Variants in CNTN3 observed in about 807,000 individuals in gnomAD.
The protein encoded by CNTN3 is contactin-3.
Under a neutral mutation model 119.1 loss-of-function variants are expected in CNTN3, and 60 were observed. The ratio of observed to expected loss-of-function variants is 0.50; its 90% CI spans 0.41 to 0.62. The LOEUF is 0.62. CNTN3 is among the 20% of genes least tolerant of loss of function. The pLI, the probability that CNTN3 is intolerant of heterozygous loss-of-function variation, is 0.00. For synonymous variants in CNTN3, 450 were observed against 438.7 expected, an observed-to-expected ratio of 1.03 and a Z score of -0.32; for missense variants, 1,101 against 1,242.4, an observed-to-expected ratio of 0.89 and a Z score of 1.71.
intron 1 of CNTN3, among the ~76,000 whole-genome samples, chr3:74,593,169 CAA>C (rs1403370663): frequency 2.6e-5 from 4 of 151,912 alleles, no homozygotes; most frequent in Non-Finnish European, 4.4e-5. Flanking sequence ...CAATTTATGA[CAA>C]GAGTCTATAG....
chr3:74,330,491 G>C (rs926927845), intron 13 of CNTN3, among the ~76,000 whole-genome samples: 1 of 152,084 alleles, frequency 6.6e-6, no homozygotes, highest in Admixed American at 6.5e-5. Flanking sequence ...TAATAGTCTA[G>C]CACATACAAT....
At chr3:74,306,354 G>C (rs186395125) in intron 13 of CNTN3, among the ~76,000 whole-genome samples, 2 of 152,076 alleles carry the variant, frequency 1.3e-5, no homozygotes, top group East Asian at 3.9e-4. Context: ...ATTCTTTAGA[G>C]TATAAAATAA....
chr3:74,397,594 A>T (rs1489774161), intron 5 of CNTN3, among the ~76,000 whole-genome samples: 2 of 152,086 alleles, frequency 1.3e-5, no homozygotes, highest in African/African-American at 4.8e-5. Flanking sequence ...GCCAATTAAT[A>T]ATCCTACAAT....
At chr3:74,519,390 A>G (rs529872432) in intron 2 of CNTN3, among the ~76,000 whole-genome samples, 2 of 151,932 alleles carry the variant, frequency 1.3e-5, no homozygotes, top group Admixed American at 1.3e-4. Flanking sequence ...TATGTAAAAC[A>G]TTTCTCAAAA....
chr3:74,378,481 G>A (rs562353452), intron 5 of CNTN3, among the ~76,000 whole-genome samples: 61 of 152,266 alleles, frequency 4.0e-4, no homozygotes, highest in African/African-American at 1.3e-3. Context: ...TCTGACTTGC[G>A]AGGGTCCTAA....
chr3:74,394,492 C>G (rs549736197), intron 5 of CNTN3, among the ~76,000 whole-genome samples: 1 of 152,196 alleles, frequency 6.6e-6, no homozygotes, highest in East Asian at 1.9e-4. Flanking sequence ...GAGATGACAT[C>G]CAATCTCAAT....
At chr3:74,478,066 G>A (rs1339817146) in intron 4 of CNTN3, among the ~76,000 whole-genome samples, 2 of 151,956 alleles carry the variant, frequency 1.3e-5, no homozygotes, top group Non-Finnish European at 1.5e-5. Context: ...AGTCTATAAA[G>A]GCATAAACCC....
At chr3:74,598,717 G>C (rs915278108) in intron 1 of CNTN3, among the ~76,000 whole-genome samples, 10 of 151,782 alleles carry the variant, frequency 6.6e-5, no homozygotes, top group Admixed American at 6.6e-4. Context: ...TACATATAAG[G>C]CACTAAGATA....
chr3:74,292,658 A>G (rs531800196), intron 19 of CNTN3, among the ~76,000 whole-genome samples: 1 of 152,342 alleles, frequency 6.6e-6, no homozygotes, highest in South Asian at 2.1e-4. Flanking sequence ...CCAATATCCT[A>G]ATGAGGTTAG....
chr3:74,407,167 T>A (rs947344970), intron 5 of CNTN3, among the ~76,000 whole-genome samples: 5 of 152,078 alleles, frequency 3.3e-5, no homozygotes, highest in African/African-American at 1.2e-4. Context: ...TAAAGAAATG[T>A]GGAACTTTAG....
intron 1 of CNTN3, among the ~76,000 whole-genome samples, chr3:74,584,989 G>A (rs1236384412): frequency 6.6e-6 from 1 of 151,762 alleles, no homozygotes; most frequent in Non-Finnish European, 1.5e-5. Context: ...ATTTACACAG[G>A]ATCCAAAGTC....
intron 20 of CNTN3, among the ~76,000 whole-genome samples, chr3:74,283,688 T>C (rs1415311528): frequency 6.6e-6 from 1 of 152,178 alleles, no homozygotes; most frequent in Non-Finnish European, 1.5e-5. Flanking sequence ...ATTTTTGCAA[T>C]CAGAATCTTT....
chr3:74,423,525 G>A (rs899575508), intron 5 of CNTN3, among the ~76,000 whole-genome samples: 14 of 152,280 alleles, frequency 9.2e-5, no homozygotes, highest in African/African-American at 2.6e-4. Flanking sequence ...GAGGCAGCAC[G>A]TCCTTCTGGG....
rs571137692 is a variant in CNTN3 at position 74,356,062 on chromosome 3, G to A, written c.1364+5828C>T. 7.2e-5 allele frequency among the ~76,000 whole-genome samples: 11 copies of A among 152,088 alleles called. No individual in the cohort carries two copies. In the East Asian group the frequency reaches 1.9e-3, roughly 27 times the overall value. ...TGGTATAAAGAAGGGGGGCCTTTGG[G>A]AAGTTATTAAGACATAGGGGTATAA... is the stretch of plus-strand genomic sequence containing the variant. On this transcript the variant is annotated intron_variant, in intron 11 of 22. Coordinates refer to ENST00000263665, the MANE Select transcript of CNTN3 (RefSeq NM_020872.3).
intron 4 of CNTN3, among the ~76,000 whole-genome samples, chr3:74,448,445 G>C (rs995161522): frequency 2.0e-5 from 3 of 152,080 alleles, no homozygotes; most frequent in Non-Finnish European, 4.4e-5. Context: ...AATGTGTATT[G>C]TATTATTTTA....
chr3:74,518,543 C>T (rs1284502268), intron 2 of CNTN3, among the ~76,000 whole-genome samples: 1 of 151,854 alleles, frequency 6.6e-6, no homozygotes, highest in East Asian at 1.9e-4. Flanking sequence ...CATCCAACAC[C>T]ACAAACTCAC....
At position 74,614,426 on chromosome 3, in the gene CNTN3, G is replaced by C. The variant is rs951684556; in HGVS notation, c.-116C>G. On this transcript the variant is annotated 5_prime_UTR_variant, in exon 1 of 23. Coordinates refer to ENST00000263665, the MANE Select transcript of CNTN3 (RefSeq NM_020872.3). Reference sequence around the variant, plus strand: ...CAGCTCGCCAGACGCCCGCCCCGACGGCCCACTCGCCGCCGCCGCCGCCGC... The same window carrying C: ...CAGCTCGCCAGACGCCCGCCCCGACCGCCCACTCGCCGCCGCCGCCGCCGC... 1.4e-5 allele frequency among the ~76,000 whole-genome samples: 2 copies of C among 141,840 alleles called. No individual in the cohort carries two copies. Among genetic ancestry groups the C allele is most frequent in the African/African-American group, 2.7e-5 (1 of 37,376 alleles). The allele number at this position is 141,840 out of a possible 152,430, so 93.1% of individuals were successfully genotyped here. A position where few individuals can be genotyped will look rare whatever the true frequency, so the allele number is the denominator to read the frequency against.
intron 18 of CNTN3, among the ~76,000 whole-genome samples, 191 bp downstream of exon 18, chr3:74,297,766 T>C (rs1052661996): frequency 1.3e-5 from 2 of 152,234 alleles, no homozygotes; most frequent in South Asian, 2.1e-4. Flanking sequence ...ATCCTCTAAC[T>C]ATCCATTAAG....
chr3:74,547,345 T>C (rs1333016459), intron 1 of CNTN3, among the ~76,000 whole-genome samples: 3 of 152,204 alleles, frequency 2.0e-5, no homozygotes, highest in East Asian at 3.8e-4. Flanking sequence ...ATTCAACCTT[T>C]TCCAATGTTT....
Sources: gnomAD v4.1 joint callset for allele counts (sites outside exome capture counted in the v4.1 genomes callset) on GRCh38, gnomAD v4.1.1 for gene constraint, MANE v1.5 for transcripts, NCBI Gene and HGNC (gene_info 2026-07-23, HGNC 2026-07-21) for gene names.